LRRC4C: variants seen among roughly 807,000 people sequenced by gnomAD.
LRRC4C encodes the protein leucine-rich repeat-containing protein 4C.
LRRC4C carries 5 observed loss-of-function variants against 33.6 expected under a neutral mutation model. The observed-to-expected ratio is 0.15, with a 90% CI of 0.08 to 0.31. The LOEUF is 0.31. LRRC4C is among the 10% of genes least tolerant of loss of function. The probability of loss-of-function intolerance (pLI) is 1.00; values close to 1 mark genes in which losing one functional copy is unlikely to be tolerated. For synonymous variants in LRRC4C, 329 were observed against 302.0 expected, an observed-to-expected ratio of 1.09 and a Z score of -0.93; for missense variants, 560 against 796.7, an observed-to-expected ratio of 0.70 and a Z score of 3.58.
chr11:41,332,170 T>G (rs1176950099), intron 1 of LRRC4C, among the ~76,000 whole-genome samples: 1 of 152,168 alleles, frequency 6.6e-6, no homozygotes, highest in Non-Finnish European at 1.5e-5. Context: ...TCATGTGGAA[T>G]GAGGCATTTA....
At chr11:40,181,784 A>G (rs1184132579) in intron 5 of LRRC4C, among the ~76,000 whole-genome samples, 1 of 152,188 alleles carries the variant, frequency 6.6e-6, no homozygotes, top group Non-Finnish European at 1.5e-5. Flanking sequence ...ACTTAAATGA[A>G]CAATAGAAAA....
chr11:41,304,053 C>A (rs1950380941), intron 1 of LRRC4C, among the ~76,000 whole-genome samples: 1 of 66,548 alleles, frequency 1.5e-5, no homozygotes, highest in African/African-American at 3.8e-5. Flanking sequence ...GGTGGGGGGT[C>A]AGCCCCCCGC....
At chr11:40,915,920 TATGCAGCCAAC>T (rs1324545332) in intron 2 of LRRC4C, among the ~76,000 whole-genome samples, 2 of 152,170 alleles carry the variant, frequency 1.3e-5, no homozygotes, top group Middle Eastern at 3.2e-3. Context: ...AGAAGACATT[TATGCAGCCAAC>T]AGACACATGA....
rs184364406 is a variant in LRRC4C, at chr11:40,524,821, C to A, written c.-270+123321G>T. Among the ~76,000 whole-genome samples the A allele has an allele frequency of 5.5e-3, 832 of 152,228 alleles. 4 individuals carry two copies. Among genetic ancestry groups the A allele is most frequent in the Non-Finnish European group, 7.0e-3 (475 of 68,016 alleles). The stretch of plus-strand genomic sequence containing the variant: ...TAAAAAGAAACAGATATGGTCCTAC[C>A]CTTTTGGAGCTCGCATAGGCATACA... On this transcript the variant is annotated intron_variant, in intron 3 of 6. Transcript: ENST00000528697.
At chr11:40,352,591 G>GACA in intron 3 of LRRC4C, among the ~76,000 whole-genome samples, 1 of 152,048 alleles carries the variant, frequency 6.6e-6, no homozygotes, top group South Asian at 2.1e-4. Context: ...GGTTCATCTT[G>GACA]AGTTGACAAG....
At chr11:41,390,362 G>A (rs185857761) in intron 1 of LRRC4C, among the ~76,000 whole-genome samples, 8 of 151,924 alleles carry the variant, frequency 5.3e-5, no homozygotes, top group Non-Finnish European at 7.4e-5. Flanking sequence ...GTGCCAGTGT[G>A]CCAATGTGAG....
At chr11:40,788,666 C>T (rs1950508284) in intron 2 of LRRC4C, among the ~76,000 whole-genome samples, 2 of 152,126 alleles carry the variant, frequency 1.3e-5, no homozygotes, top group South Asian at 4.1e-4. Flanking sequence ...GTGGTAGCTG[C>T]TCTAACATTT....
intron 1 of LRRC4C, among the ~76,000 whole-genome samples, chr11:41,239,931 A>G (rs996712311): frequency 2.0e-5 from 3 of 152,206 alleles, no homozygotes; most frequent in Non-Finnish European, 4.4e-5. Flanking sequence ...TAGTTGCTGG[A>G]ATCCTCTTGA....
intron 3 of LRRC4C, among the ~76,000 whole-genome samples, chr11:40,474,033 T>C (rs1237426853): frequency 6.6e-6 from 1 of 152,164 alleles, no homozygotes; most frequent in Non-Finnish European, 1.5e-5. Context: ...CTTCCCAAAG[T>C]AATTTATAGA....
intron 5 of LRRC4C, among the ~76,000 whole-genome samples, chr11:40,192,211 G>A (rs1236110579): frequency 6.6e-6 from 1 of 152,242 alleles, no homozygotes; most frequent in Non-Finnish European, 1.5e-5. Flanking sequence ...CTGGTCTGCA[G>A]CTCCCAGCGA....
intron 1 of LRRC4C, among the ~76,000 whole-genome samples, chr11:41,415,002 T>G (rs1385163479): frequency 2.0e-5 from 3 of 152,126 alleles, no homozygotes; most frequent in Non-Finnish European, 4.4e-5. Flanking sequence ...ATGAAGTAAT[T>G]AGGCCAATTA....
At chr11:40,565,235 T>C (rs1957707841) in intron 3 of LRRC4C, among the ~76,000 whole-genome samples, 1 of 152,300 alleles carries the variant, frequency 6.6e-6, no homozygotes, top group East Asian at 1.9e-4. Flanking sequence ...TATGGAGAAG[T>C]GAGTCTGTGC....
At chr11:40,309,482 T>A (rs1203008153) in intron 4 of LRRC4C, among the ~76,000 whole-genome samples, 1 of 151,406 alleles carries the variant, frequency 6.6e-6, no homozygotes, top group Non-Finnish European at 1.5e-5. Flanking sequence ...TATTTTTGAG[T>A]GAACACGACA....
chr11:40,339,410 G>C (rs1317743416), intron 3 of LRRC4C, among the ~76,000 whole-genome samples: 1 of 152,112 alleles, frequency 6.6e-6, no homozygotes, highest in Admixed American at 6.5e-5. Context: ...TCTCAAATGG[G>C]CAAAAAAATC....
chr11:41,370,529 C>T (rs1416025689), intron 1 of LRRC4C, among the ~76,000 whole-genome samples: 1 of 152,062 alleles, frequency 6.6e-6, no homozygotes. Flanking sequence ...GGGGTGTCCG[C>T]TTTTGTTTCT....
intron 1 of LRRC4C, among the ~76,000 whole-genome samples, chr11:41,236,850 C>T (rs1948045325): frequency 6.6e-6 from 1 of 152,154 alleles, no homozygotes; most frequent in African/African-American, 2.4e-5. Context: ...GAAAATTTTA[C>T]ACTCTTCAAA....
At chr11:41,450,931 T>C (rs771135157) in intron 1 of LRRC4C, among the ~76,000 whole-genome samples, 16 of 152,146 alleles carry the variant, frequency 1.1e-4, no homozygotes, top group South Asian at 2.1e-4. Context: ...AACCACAAAT[T>C]CCTCAGGGAT....
At chr11:40,970,157 A>T (rs1343722199) in intron 1 of LRRC4C, among the ~76,000 whole-genome samples, 1 of 152,182 alleles carries the variant, frequency 6.6e-6, no homozygotes, top group Non-Finnish European at 1.5e-5. Context: ...CCTTCTAGCG[A>T]ACCTCAAACC....
At chr11:40,666,881 T>A (rs551515448) in intron 2 of LRRC4C, among the ~76,000 whole-genome samples, 1 of 152,230 alleles carries the variant, frequency 6.6e-6, no homozygotes, top group South Asian at 2.1e-4. Context: ...CCTCCTGAGG[T>A]CCCTCCAAAT....
Sources: allele counts gnomAD v4.1 joint callset (sites outside exome capture counted in the v4.1 genomes callset), GRCh38; gene constraint gnomAD v4.1.1; transcripts MANE v1.5; gene names NCBI Gene and HGNC (gene_info 2026-07-23, HGNC 2026-07-21).